The following SMAD2 variants were observed in gnomAD, a reference collection of about 807,000 sequenced individuals.
SMAD2 encodes SMAD family member 2, also known as MAD homolog 2.
A neutral mutation model predicts 64.4 loss-of-function variants in SMAD2; 8 were observed. That is an observed-to-expected ratio of 0.12 (90% CI 0.07 to 0.22). The LOEUF (loss-of-function observed/expected upper bound fraction) is 0.22. Among genes scored for constraint, SMAD2 ranks in the 10% least tolerant of loss-of-function variants. SMAD2 has a pLI of 1.00. For synonymous variants in SMAD2, 203 were observed against 195.8 expected (o/e 1.04, Z -0.31); for missense variants, 289 against 561.2 (o/e 0.51, Z 4.90).
rs1787186 is a variant in SMAD2, at chr18:47,845,138, C to T, written c.1280+202G>A. 316,173 of 649,588 alleles carry T rather than the reference C, an allele frequency of 0.49. 79,413 individuals are homozygous for T. Among genetic ancestry groups the T allele is most frequent in the East Asian group, 0.58 (21,600 of 37,104 alleles). 40.2% of individuals were successfully genotyped at this position (649,588 alleles called of 1,614,324 possible). A position where few individuals can be genotyped will look rare whatever the true frequency, so the allele number is the denominator to read the frequency against. On this transcript the variant is annotated intron_variant, in intron 10 of 10. Coordinates refer to ENST00000262160, the MANE Select transcript of SMAD2 (RefSeq NM_005901.6). ...AATTACGTTAAAATGCACGCCTGTG[C>T]ATGTTTTAATATCTTCCATAATGGC...
intron 6 of SMAD2, among the ~76,000 whole-genome samples, chr18:47,851,853 T>A (rs2030126520): frequency 6.6e-6 from 1 of 152,186 alleles, no homozygotes; most frequent in South Asian, 2.1e-4. Context: ...CAATAACTAA[T>A]CTTGACCGTT....
chr18:47,858,843 AAAAC>A (rs1239461167), intron 6 of SMAD2, among the ~76,000 whole-genome samples: 2 of 152,186 alleles, frequency 1.3e-5, no homozygotes, highest in African/African-American at 2.4e-5. Context: ...AAAAGGCAGG[AAAAC>A]AAACAGATAA....
intron 1 of SMAD2, among the ~76,000 whole-genome samples, chr18:47,925,729 A>T (rs531242871): frequency 6.6e-6 from 1 of 152,230 alleles, no homozygotes; most frequent in Non-Finnish European, 1.5e-5. Flanking sequence ...CTAAAAAAAA[A>T]CCTGATTCTT....
rs1004151806 is a variant in SMAD2, at chr18:47,817,159, A to T, written c.*24668T>A. Reference sequence around the variant, plus strand: ...TGACATAAATGGTGTTCAGCAGTAGAACCTGAAGTAGGACACATTTCAGAG... The same window carrying T: ...TGACATAAATGGTGTTCAGCAGTAGTACCTGAAGTAGGACACATTTCAGAG... On this transcript the variant is annotated 3_prime_UTR_variant, in exon 11 of 11. Transcript: ENST00000262160. The T allele has an allele frequency of 1.3e-5, 2 of 152,250 alleles. No individual in the cohort carries two copies. Among genetic ancestry groups the T allele is most frequent in the Non-Finnish European group, 2.9e-5 (2 of 68,052 alleles). 9.4% of individuals were successfully genotyped at this position (152,250 alleles called of 1,614,324 possible).
rs1913682350 is a variant in SMAD2 at position 47,838,926 on chromosome 18, T to C, written c.*2901A>G. On this transcript the variant is annotated 3_prime_UTR_variant, in exon 11 of 11. Transcript: ENST00000262160. ...ATTGTGAAGAATAAATCCTAAGTAA[T>C]GTTGCTAATTTAAATAAAGACAAAA... The C allele has an allele frequency of 4.3e-6, 1 of 233,070 alleles. No individual in the cohort carries two copies. Among genetic ancestry groups the C allele is most frequent in the Non-Finnish European group, 8.5e-6 (1 of 117,954 alleles). 14.4% of individuals were successfully genotyped at this position (233,070 alleles called of 1,614,324 possible). A position where few individuals can be genotyped will look rare whatever the true frequency, so the allele number is the denominator to read the frequency against.
chr18:47,843,406 C>T (rs1756869788), intron 10 of SMAD2, among the ~76,000 whole-genome samples: 1 of 152,142 alleles, frequency 6.6e-6, no homozygotes, highest in African/African-American at 2.4e-5. Flanking sequence ...ACTTCCCTTT[C>T]TAGAATAATC....
chr18:47,919,367 G>A (rs889189282), intron 1 of SMAD2, among the ~76,000 whole-genome samples: 1 of 148,036 alleles, frequency 6.8e-6, no homozygotes, highest in East Asian at 2.0e-4. Context: ...AAAGGAATAC[G>A]ATCTACACTC....
rs1256142619 is a variant in SMAD2, at chr18:47,824,251, G to A, written c.*17576C>T. 6.6e-6 allele frequency: 1 copy of A among 152,208 alleles called. No individual in the cohort carries two copies. Among genetic ancestry groups the A allele is most frequent in the Non-Finnish European group, 1.5e-5 (1 of 68,050 alleles). The allele number at this position is 152,208 out of a possible 1,614,324, so 9.4% of individuals were successfully genotyped here. The stretch of plus-strand genomic sequence containing the variant: ...CCAAAAGCCCTGACAAATGGAGCCA[G>A]GGAAGTCCATGAAGAGAGGGATTTT... On this transcript the variant is annotated 3_prime_UTR_variant, in exon 11 of 11. Coordinates refer to ENST00000262160, the MANE Select transcript of SMAD2 (RefSeq NM_005901.6).
At chr18:47,867,984 TC>T (rs1568063441) in intron 5 of SMAD2, among the ~76,000 whole-genome samples, 1 of 152,200 alleles carries the variant, frequency 6.6e-6, no homozygotes, top group East Asian at 1.9e-4. Context: ...GGGGTACTTT[TC>T]TCCTACACCA....
chr18:47,836,330 G>A lies in SMAD2; in HGVS notation c.*5497C>T. 1 of 223,458 alleles carries A rather than the reference G, an allele frequency of 4.5e-6. No homozygotes were observed. Among genetic ancestry groups the A allele is most frequent in the Non-Finnish European group, 8.9e-6 (1 of 111,952 alleles). 13.8% of individuals were successfully genotyped at this position (223,458 alleles called of 1,614,324 possible). On this transcript the variant is annotated 3_prime_UTR_variant, in exon 11 of 11. Coordinates refer to ENST00000262160, the MANE Select transcript of SMAD2 (RefSeq NM_005901.6). ...AGTTAGTACATCCCAGAATCTGCTG[G>A]ATGTATAATAATTTAGTAACGGGGT...
rs1316329063 is a variant in SMAD2 at position 47,828,845 on chromosome 18, T to A, written c.*12982A>T. On this transcript the variant is annotated 3_prime_UTR_variant, in exon 11 of 11. Transcript: ENST00000262160. ...GGAAAACCAGAGACCCTTGTTCACATGTTTATCTGCTGACCTTCCCTCCAC... is the reference window on the plus strand; with the variant it reads ...GGAAAACCAGAGACCCTTGTTCACAAGTTTATCTGCTGACCTTCCCTCCAC... 1 of 161,492 alleles carries A rather than the reference T, an allele frequency of 6.2e-6. No homozygotes were observed. The highest frequency in any genetic ancestry group is 1.3e-5 in the Non-Finnish European group (1 of 77,632). The allele number at this position is 161,492 out of a possible 1,614,324, so 10.0% of individuals were successfully genotyped here.
chr18:47,921,365 T>C (rs2034552719), intron 1 of SMAD2, among the ~76,000 whole-genome samples: 1 of 152,222 alleles, frequency 6.6e-6, no homozygotes, highest in South Asian at 2.1e-4. Context: ...CTAGTAAAGC[T>C]ACTTGCCTTT....
In SMAD2 at chr18:47,859,226, A is replaced by T. The variant is rs754115860; in HGVS notation, c.730+5833T>A. ...CTGACAGGACTAAAGGCACAAACAG[A>T]TGACTCTAAAATCAGAGCTGAAAAT... On this transcript the variant is annotated intron_variant, in intron 6 of 10. Coordinates refer to ENST00000262160, the MANE Select transcript of SMAD2 (RefSeq NM_005901.6). 5.9e-5 allele frequency among the ~76,000 whole-genome samples: 9 copies of T among 152,296 alleles called. No homozygotes were observed. In the East Asian group the frequency reaches 1.7e-3, roughly 29 times the overall value.
At chr18:47,889,484 GGA>G (rs541530952) in intron 2 of SMAD2, among the ~76,000 whole-genome samples, 1 of 152,180 alleles carries the variant, frequency 6.6e-6, no homozygotes, top group African/African-American at 2.4e-5. Context: ...AGGTAAGACT[GGA>G]AACAGTCGGG....
chr18:47,867,907 G>A (rs1207092618), intron 5 of SMAD2, among the ~76,000 whole-genome samples: 2 of 152,106 alleles, frequency 1.3e-5, no homozygotes, highest in Non-Finnish European at 2.9e-5. Context: ...TTATATTTCT[G>A]TTAAATATTA....
At chr18:47,921,848 T>C (rs2034573829) in intron 1 of SMAD2, among the ~76,000 whole-genome samples, 1 of 152,248 alleles carries the variant, frequency 6.6e-6, no homozygotes, top group African/African-American at 2.4e-5. Flanking sequence ...AGAAAACTTT[T>C]ATATTTTATC....
At chr18:47,882,744 C>A (rs1465808908) in intron 2 of SMAD2, among the ~76,000 whole-genome samples, 3 of 152,094 alleles carry the variant, frequency 2.0e-5, no homozygotes, top group African/African-American at 7.2e-5. Flanking sequence ...ACCATGTGGG[C>A]CTGAAGTTTC....
At position 47,838,550 on chromosome 18, in the gene SMAD2, A is replaced by C. The variant is rs1913652713; in HGVS notation, c.*3277T>G. The C allele has an allele frequency of 4.3e-6, 1 of 233,118 alleles. No individual in the cohort carries two copies. Among genetic ancestry groups the C allele is most frequent in the Non-Finnish European group, 8.5e-6 (1 of 117,856 alleles). The allele number at this position is 233,118 out of a possible 1,614,324, so 14.4% of individuals were successfully genotyped here. A position where few individuals can be genotyped will look rare whatever the true frequency, so the allele number is the denominator to read the frequency against. ...ATAATCGGTATAACTGATATAGCTC[A>C]AATCTAATCATGAAAGCTTCTTTAA... On this transcript the variant is annotated 3_prime_UTR_variant, in exon 11 of 11. Transcript: ENST00000262160.
intron 1 of SMAD2, among the ~76,000 whole-genome samples, chr18:47,920,653 T>C (rs552619341): frequency 1.3e-4 from 20 of 152,264 alleles, no homozygotes; most frequent in Admixed American, 3.9e-4. Context: ...TTGACTTTTA[T>C]ACCATGTGCA....
Sources: gnomAD v4.1 joint callset for allele counts (sites outside exome capture counted in the v4.1 genomes callset) on GRCh38, gnomAD v4.1.1 for gene constraint, MANE v1.5 for transcripts, NCBI Gene and HGNC (gene_info 2026-07-23, HGNC 2026-07-21) for gene names.